Variants in EBF2 observed in about 807,000 individuals in gnomAD.
EBF2 encodes the protein transcription factor COE2.
Under a neutral mutation model 72.8 loss-of-function variants are expected in EBF2, and 21 were observed. That is an observed-to-expected ratio of 0.29 (90% confidence interval 0.20 to 0.42). The LOEUF (loss-of-function observed/expected upper bound fraction) is 0.42, where lower values mean the gene tolerates loss of function less well. EBF2 is among the 10% of genes least tolerant of loss of function. The pLI, the probability that EBF2 is intolerant of heterozygous loss-of-function variation, is 1.00. For missense variants in EBF2, 637 were observed against 731.2 expected (o/e 0.87, Z 1.49); for synonymous variants, 299 against 274.2 (o/e 1.09, Z -0.89).
chr8:25,850,676 C>CTGTT lies in EBF2; in HGVS notation c.1610_1613dup (p.Lys539ThrfsTer53). ...TGATGACAGGGGCAAAGGCACTCTT[C>CTGTT]TGTTTGACAGCAGGAAAAACTGAAG... On this transcript the variant is annotated frameshift_variant, in exon 15 of 16. Transcript: ENST00000520164. LOFTEE classifies it high-confidence loss of function. 6.4e-7 allele frequency: 1 copy of CTGTT among 1,562,088 alleles called. No individual in the cohort carries two copies. The highest frequency in any genetic ancestry group is 8.6e-7 in the Non-Finnish European group (1 of 1,162,666).
chr8:26,001,841 A>G (rs947990694), intron 6 of EBF2, among the ~76,000 whole-genome samples: 4 of 151,744 alleles, frequency 2.6e-5, no homozygotes, highest in South Asian at 2.1e-4. Context: ...GAGCCACCAC[A>G]CCCAGCCCTG....
At chr8:25,870,064 T>C (rs1347065641) in intron 10 of EBF2, among the ~76,000 whole-genome samples, 1 of 152,166 alleles carries the variant, frequency 6.6e-6, no homozygotes, top group Non-Finnish European at 1.5e-5. Flanking sequence ...ATGGGCATCC[T>C]CCTCAGCTTC....
intron 6 of EBF2, among the ~76,000 whole-genome samples, chr8:25,976,911 A>C (rs2117194787): frequency 6.6e-6 from 1 of 152,372 alleles, no homozygotes; most frequent in South Asian, 2.1e-4. Flanking sequence ...AGACATTAAA[A>C]GGAACGCTCT....
At chr8:25,873,996 G>C (rs968112128) in intron 10 of EBF2, among the ~76,000 whole-genome samples, 1 of 152,142 alleles carries the variant, frequency 6.6e-6, no homozygotes, top group Non-Finnish European at 1.5e-5. Context: ...GGTGGGAGTG[G>C]AGACAACTTC....
At position 25,861,342 on chromosome 8, in the gene EBF2, C is replaced by T; in HGVS notation, c.1131G>A (p.Val377=). 1 of 1,614,172 alleles carries T rather than the reference C, an allele frequency of 6.2e-7. No individual in the cohort carries two copies. Among genetic ancestry groups the T allele is most frequent in the Non-Finnish European group, 8.5e-7 (1 of 1,180,030 alleles). The change falls in exon 12 of 16, where the codon GTG becomes GTA. Residue 377 remains valine, a synonymous_variant. Coordinates refer to ENST00000520164, the MANE Select transcript of EBF2 (RefSeq NM_022659.4). ...TGTGTGGTGTGCCATAAAGAGCTTCCACTAGATCTGCAGCTCTTTTCAACA... is the reference window on the plus strand; with the variant it reads ...TGTGTGGTGTGCCATAAAGAGCTTCTACTAGATCTGCAGCTCTTTTCAACA... ...EMLLKRAADL[V]EALYGTPHNN...
intron 1 of EBF2, among the ~76,000 whole-genome samples, chr8:26,043,176 G>A (rs965675906): frequency 8.5e-5 from 13 of 152,206 alleles, no homozygotes; most frequent in African/African-American, 3.1e-4. Context: ...CAGCCAACCG[G>A]TCGCAGTCAC....
intron 5 of EBF2, among the ~76,000 whole-genome samples, chr8:26,036,343 C>T (rs1392261256): frequency 6.6e-6 from 1 of 152,082 alleles, no homozygotes; most frequent in Non-Finnish European, 1.5e-5. Flanking sequence ...CTTTAGGATC[C>T]AATCCTCCAT....
intron 13 of EBF2, among the ~76,000 whole-genome samples, chr8:25,859,958 C>G (rs1287570183): frequency 1.3e-5 from 2 of 152,056 alleles, no homozygotes; most frequent in African/African-American, 4.8e-5. Flanking sequence ...CTCAAGCAAT[C>G]TGCCCACCTC....
chr8:25,848,983 CT>C lies in EBF2; in HGVS notation c.1696+1610del, dbSNP rs571151905. Among the ~76,000 whole-genome samples the C allele has an allele frequency of 1.6e-3, 251 of 152,312 alleles. 1 individual carries two copies. The highest frequency in any genetic ancestry group is 2.9e-3 in the Non-Finnish European group (198 of 68,032). ...ATTTCCCTGTCTCATGGAAAAAGCT[CT>C]GGGCACATTCCCTAAGGATGGGATG... is the stretch of plus-strand genomic sequence containing the variant. On this transcript the variant is annotated intron_variant, in intron 15 of 15. Transcript: ENST00000520164.
chr8:25,924,444 G>A (rs1010791374), intron 6 of EBF2, among the ~76,000 whole-genome samples: 3 of 152,162 alleles, frequency 2.0e-5, no homozygotes, highest in South Asian at 2.1e-4. Context: ...TAAATTACAC[G>A]GAAGGAGGGC....
At chr8:26,042,769 A>G (rs1257410023) in intron 1 of EBF2, among the ~76,000 whole-genome samples, 1 of 152,188 alleles carries the variant, frequency 6.6e-6, no homozygotes, top group Non-Finnish European at 1.5e-5. Flanking sequence ...CACTGCTCAC[A>G]ACGCCCAAAT....
chr8:26,045,015 C>T lies in EBF2; in HGVS notation c.-156G>A. On this transcript the variant is annotated 5_prime_UTR_variant, in exon 1 of 16. Coordinates refer to ENST00000520164, the MANE Select transcript of EBF2 (RefSeq NM_022659.4). Reference sequence around the variant, plus strand: ...AGTCTTAGAAAAAAAAAAAAGATAACCCGTCCTTTGCTTCACTGGCGAGGT... The same window carrying T: ...AGTCTTAGAAAAAAAAAAAAGATAATCCGTCCTTTGCTTCACTGGCGAGGT... 2.5e-6 allele frequency: 2 copies of T among 798,874 alleles called. No individual in the cohort carries two copies. The highest frequency in any genetic ancestry group is 2.0e-5 in the South Asian group (1 of 50,266). 49.5% of individuals were successfully genotyped at this position (798,874 alleles called of 1,614,324 possible).
chr8:25,984,329 C>A (rs1031994498), intron 6 of EBF2, among the ~76,000 whole-genome samples: 1 of 152,038 alleles, frequency 6.6e-6, no homozygotes, highest in Non-Finnish European at 1.5e-5. Context: ...TGTAAATATA[C>A]CCCCAAAACC....
chr8:25,951,234 T>C (rs1281725147), intron 6 of EBF2, among the ~76,000 whole-genome samples: 1 of 152,174 alleles, frequency 6.6e-6, no homozygotes, highest in Non-Finnish European at 1.5e-5. Flanking sequence ...AATTTAGTAC[T>C]CATAAATAGG....
At chr8:25,915,582 A>G (rs1281714345) in intron 6 of EBF2, among the ~76,000 whole-genome samples, 1 of 148,798 alleles carries the variant, frequency 6.7e-6, no homozygotes, top group African/African-American at 2.5e-5. Context: ...AAGAGATGGC[A>G]TAGCCCAAAT....
intron 6 of EBF2, among the ~76,000 whole-genome samples, chr8:25,986,487 A>T (rs1804459139): frequency 6.6e-6 from 1 of 152,172 alleles, no homozygotes; most frequent in Non-Finnish European, 1.5e-5. Flanking sequence ...CCACCACGGC[A>T]CCAAACTCAC....
At chr8:25,848,914 G>A (rs1801900873) in intron 15 of EBF2, among the ~76,000 whole-genome samples, 2 of 152,198 alleles carry the variant, frequency 1.3e-5, no homozygotes, top group African/African-American at 4.8e-5. Context: ...AGAGGTCATG[G>A]GGAAGAGGAA....
rs1563370678 is a variant in EBF2, at chr8:25,844,328, G to A, written c.*281C>T. The A allele has an allele frequency of 2.3e-5, 7 of 300,092 alleles. No homozygotes were observed. The East Asian group carries it at 3.8e-4, about 16-fold the overall frequency. 18.6% of individuals were successfully genotyped at this position (300,092 alleles called of 1,614,324 possible). ...AATATTTTACAAACATAGGAAGGTG[G>A]TTTTCATAATGTTCATAACAAAGAA... On this transcript the variant is annotated 3_prime_UTR_variant, in exon 16 of 16. Coordinates refer to ENST00000520164, the MANE Select transcript of EBF2 (RefSeq NM_022659.4).
intron 1 of EBF2, among the ~76,000 whole-genome samples, chr8:26,043,998 C>CA (rs1020681154): frequency 6.6e-6 from 1 of 152,236 alleles, no homozygotes; most frequent in African/African-American, 2.4e-5. Flanking sequence ...ATCCCTGAGC[C>CA]AGTCTAGCTG....
Sources: allele counts gnomAD v4.1 joint callset (sites outside exome capture counted in the v4.1 genomes callset), GRCh38; gene constraint gnomAD v4.1.1; transcripts MANE v1.5; gene names NCBI Gene and HGNC (gene_info 2026-07-23, HGNC 2026-07-21).